The following KCNIP4 variants were observed in gnomAD, a reference collection of about 807,000 sequenced individuals.
The protein encoded by KCNIP4 is potassium voltage-gated channel interacting protein 4, also known as Kv channel-interacting protein 4.
Under a neutral mutation model 34.0 loss-of-function variants are expected in KCNIP4, and 12 were observed. That is an observed-to-expected ratio of 0.35 (90% CI 0.23 to 0.57). The LOEUF is 0.57. KCNIP4 is among the 20% of genes least tolerant of loss of function. KCNIP4 has a pLI of 0.83. For synonymous variants in KCNIP4, 124 were observed against 102.2 expected (o/e 1.21, Z -1.29); for missense variants, 238 against 311.7 (o/e 0.76, Z 1.78).
chr4:21,299,589 G>A (rs1201740037), intron 1 of KCNIP4, among the ~76,000 whole-genome samples: 1 of 152,102 alleles, frequency 6.6e-6, no homozygotes, highest in African/African-American at 2.4e-5. Context: ...AAACACATAA[G>A]CGTTGGCATG....
Position 20,882,358 on chromosome 4 carries a change from A to T in KCNIP4, c.163+250T>A, listed in dbSNP as rs191978321. ...CTTGAGTCCAGTCCCCATCCCTTACATCAAACAAAAATGTCCCAGTGTTTT... is the reference window on the plus strand; with the variant it reads ...CTTGAGTCCAGTCCCCATCCCTTACTTCAAACAAAAATGTCCCAGTGTTTT... On this transcript the variant is annotated intron_variant, in intron 2 of 8. Coordinates refer to ENST00000382152, the MANE Select transcript of KCNIP4 (RefSeq NM_025221.6). Among the ~76,000 whole-genome samples the T allele has an allele frequency of 6.4e-4, 97 of 152,220 alleles. 1 individual carries two copies. In the East Asian group the frequency reaches 0.015, roughly 23 times the overall value.
At chr4:21,194,667 T>A (rs1396097808) in intron 1 of KCNIP4, among the ~76,000 whole-genome samples, 3 of 152,128 alleles carry the variant, frequency 2.0e-5, no homozygotes, top group Non-Finnish European at 2.9e-5. Context: ...CATGAGACCA[T>A]CCCACACTAC....
rs180994665 is a variant in KCNIP4, at chr4:20,884,538, C to T, written c.62-1829G>A. On this transcript the variant is annotated intron_variant, in intron 1 of 8. Transcript: ENST00000382152. The stretch of plus-strand genomic sequence containing the variant: ...GGAAGGATGCAACGATTTAACTACC[C>T]TCTCCTTTGCAAACTCCTCCAGGAC... 9.5e-4 allele frequency among the ~76,000 whole-genome samples: 144 copies of T among 151,996 alleles called. No homozygotes were observed. The Middle Eastern group carries it at 0.01, about 11-fold the overall frequency.
At chr4:21,142,311 A>G (rs1267103472) in intron 1 of KCNIP4, among the ~76,000 whole-genome samples, 1 of 152,140 alleles carries the variant, frequency 6.6e-6, no homozygotes, top group Non-Finnish European at 1.5e-5. Context: ...TGAAATGAAA[A>G]AGAGCTTAGG....
At chr4:21,755,071 A>T (rs1345144844) in intron 1 of KCNIP4, among the ~76,000 whole-genome samples, 1 of 152,148 alleles carries the variant, frequency 6.6e-6, no homozygotes, top group Non-Finnish European at 1.5e-5. Context: ...TGCTTGCTTG[A>T]ATCCCAGAGG....
intron 1 of KCNIP4, among the ~76,000 whole-genome samples, chr4:21,010,944 G>T (rs929326653): frequency 6.6e-6 from 1 of 152,106 alleles, no homozygotes; most frequent in Non-Finnish European, 1.5e-5. Flanking sequence ...GTGAATTTGC[G>T]TTGGATCACC....
At chr4:20,742,948 T>G (rs949361030) in intron 5 of KCNIP4, among the ~76,000 whole-genome samples, 31 of 151,806 alleles carry the variant, frequency 2.0e-4, no homozygotes, top group African/African-American at 7.3e-4. Context: ...AAATCATGAG[T>G]GAACTCCCAT....
At chr4:21,683,692 T>A (rs1306935182) in intron 1 of KCNIP4, among the ~76,000 whole-genome samples, 1 of 151,948 alleles carries the variant, frequency 6.6e-6, no homozygotes, top group Non-Finnish European at 1.5e-5. Context: ...AGCACAGACC[T>A]ATTGTTCTAC....
intron 1 of KCNIP4, among the ~76,000 whole-genome samples, chr4:21,406,527 A>G (rs1023908960): frequency 2.6e-5 from 4 of 152,232 alleles, no homozygotes; most frequent in South Asian, 2.1e-4. Context: ...CTTTTATTAA[A>G]TCACAACTCG....
intron 1 of KCNIP4, among the ~76,000 whole-genome samples, chr4:21,490,441 C>T (rs1732292613): frequency 6.6e-6 from 1 of 152,098 alleles, no homozygotes; most frequent in African/African-American, 2.4e-5. Context: ...CACATTAAAG[C>T]TTTTCTCTCT....
intron 1 of KCNIP4, among the ~76,000 whole-genome samples, chr4:21,834,352 C>CAA (rs1723185388): frequency 6.6e-6 from 1 of 152,098 alleles, no homozygotes; most frequent in Non-Finnish European, 1.5e-5. Context: ...CTCTTGGAAG[C>CAA]AATTGTGAAT....
chr4:21,863,130 C>CA lies in KCNIP4; in HGVS notation c.61+85440dup, dbSNP rs544779923. Among the ~76,000 whole-genome samples, 350 of 151,864 alleles carry CA rather than the reference C, an allele frequency of 2.3e-3. 1 individual carries two copies. The highest frequency in any genetic ancestry group is 7.8e-3 in the African/African-American group (325 of 41,414). ...CTATTTTTGCTGATGTGGCAAAAAA[C>CA]AAAAAAACTGTTATTCTATGAAGTC... On this transcript the variant is annotated intron_variant, in intron 1 of 8. Transcript: ENST00000382152.
chr4:21,648,252 T>C (rs1258243393), intron 1 of KCNIP4, among the ~76,000 whole-genome samples: 2 of 152,138 alleles, frequency 1.3e-5, no homozygotes, highest in African/African-American at 2.4e-5. Flanking sequence ...TATAAAAATA[T>C]ACTCCAAAAA....
At chr4:21,727,677 A>T (rs1715295468) in intron 1 of KCNIP4, among the ~76,000 whole-genome samples, 1 of 151,936 alleles carries the variant, frequency 6.6e-6, no homozygotes, top group Non-Finnish European at 1.5e-5. Context: ...AAAAATACAA[A>T]AATTATCCGG....
intron 2 of KCNIP4, among the ~76,000 whole-genome samples, chr4:20,861,323 C>A (rs1451474563): frequency 6.6e-6 from 1 of 152,160 alleles, no homozygotes. Flanking sequence ...TTACTATTCA[C>A]CCATCCACCT....
chr4:21,558,422 G>A (rs1232587448), intron 1 of KCNIP4, among the ~76,000 whole-genome samples: 1 of 151,980 alleles, frequency 6.6e-6, no homozygotes, highest in African/African-American at 2.4e-5. Context: ...AACCTGGGAG[G>A]CAGAGGTTAC....
Position 20,922,539 on chromosome 4 carries a change from G to GTCTATCTA in KCNIP4, c.62-39831_62-39830insTAGATAGA, listed in dbSNP as rs1231904232. On this transcript the variant is annotated intron_variant, in intron 1 of 8. Transcript: ENST00000382152. ...TGACTGTCTGTCTGTCTGTCTGTCT[G>GTCTATCTA]TCTGTCTGTCTATCTATCTATCTAT... Among the ~76,000 whole-genome samples, 444 of 88,090 alleles carry GTCTATCTA rather than the reference G, an allele frequency of 5.0e-3. 2 individuals are homozygous for GTCTATCTA. The highest frequency in any genetic ancestry group is 7.3e-3 in the Non-Finnish European group (316 of 43,052). 57.8% of individuals were successfully genotyped at this position (88,090 alleles called of 152,430 possible).
intron 1 of KCNIP4, among the ~76,000 whole-genome samples, chr4:21,838,967 A>G (rs1488658496): frequency 1.3e-5 from 2 of 152,194 alleles, no homozygotes; most frequent in Non-Finnish European, 2.9e-5. Flanking sequence ...TAGTCCAGTT[A>G]CTTAAAATAT....
chr4:20,972,106 C>T (rs1034032013), intron 1 of KCNIP4, among the ~76,000 whole-genome samples: 1 of 152,160 alleles, frequency 6.6e-6, no homozygotes, highest in African/African-American at 2.4e-5. Context: ...AGTTCTCTTG[C>T]TATTTCCACC....
Sources: allele counts gnomAD v4.1 joint callset (sites outside exome capture counted in the v4.1 genomes callset), GRCh38; gene constraint gnomAD v4.1.1; transcripts MANE v1.5; gene names NCBI Gene and HGNC (gene_info 2026-07-23, HGNC 2026-07-21).